The following MACROD2 variants were observed in gnomAD, a reference collection of about 807,000 sequenced individuals.
The protein encoded by MACROD2 is ADP-ribose glycohydrolase MACROD2.
A neutral mutation model predicts 70.4 loss-of-function variants in MACROD2; 36 were observed. The observed-to-expected ratio is 0.51, with a 90% CI of 0.39 to 0.68. The LOEUF is 0.68. Ranked by LOEUF, MACROD2 falls within the 30% of genes least tolerant of loss-of-function variation. The pLI, the probability that MACROD2 is intolerant of heterozygous loss-of-function variation, is 0.00. For missense variants in MACROD2, 496 were observed against 538.4 expected (o/e 0.92, Z 0.78); for synonymous variants, 172 against 178.8 (o/e 0.96, Z 0.30).
chr20:15,138,898 C>T (rs1315366755), intron 5 of MACROD2, among the ~76,000 whole-genome samples: 3 of 152,142 alleles, frequency 2.0e-5, no homozygotes, highest in Admixed American at 6.5e-5. Context: ...TTCGCATTTA[C>T]TTAAGTGTTA....
At chr20:15,524,128 C>G (rs1430498506) in intron 8 of MACROD2, among the ~76,000 whole-genome samples, 3 of 152,140 alleles carry the variant, frequency 2.0e-5, no homozygotes, top group Non-Finnish European at 2.9e-5. Context: ...CTACTTTGAA[C>G]AGAAAATATT....
At chr20:14,571,137 C>T (rs1383750086) in intron 4 of MACROD2, among the ~76,000 whole-genome samples, 1 of 152,032 alleles carries the variant, frequency 6.6e-6, no homozygotes, top group Non-Finnish European at 1.5e-5. Context: ...CAGTTGGTCT[C>T]AGATGTACAC....
At position 15,889,678 on chromosome 20, in the gene MACROD2, T is replaced by C. The variant is rs150030509; in HGVS notation, c.775+3867T>C. Among the ~76,000 whole-genome samples, 705 of 152,310 alleles carry C rather than the reference T, an allele frequency of 4.6e-3. 5 individuals are homozygous for C. The highest frequency in any genetic ancestry group is 7.9e-3 in the Non-Finnish European group (535 of 68,018). ...CCTTAATTCCTTAATGGCAAATGTT[T>C]TCCCATGTCCTTTCATTTCCATGAC... On this transcript the variant is annotated intron_variant, in intron 10 of 17. Coordinates refer to ENST00000684519, the MANE Select transcript of MACROD2 (RefSeq NM_001351661.2).
chr20:14,150,622 AT>A (rs2055006159), intron 3 of MACROD2, among the ~76,000 whole-genome samples: 2 of 152,124 alleles, frequency 1.3e-5, no homozygotes, highest in Admixed American at 1.3e-4. Context: ...ACAGAATTTT[AT>A]TTTTCTTTTT....
At chr20:16,001,766 C>G (rs984725276) in intron 15 of MACROD2, among the ~76,000 whole-genome samples, 1 of 152,028 alleles carries the variant, frequency 6.6e-6, no homozygotes, top group Non-Finnish European at 1.5e-5. Flanking sequence ...GTTTCATATA[C>G]TTACAAACAT....
chr20:14,459,591 C>A (rs2084344461), intron 3 of MACROD2, among the ~76,000 whole-genome samples: 1 of 151,882 alleles, frequency 6.6e-6, no homozygotes, highest in African/African-American at 2.4e-5. Flanking sequence ...TTAAAACTTT[C>A]TCCTTTAGGA....
chr20:15,412,711 C>A (rs1001173962), intron 6 of MACROD2, among the ~76,000 whole-genome samples: 3 of 152,172 alleles, frequency 2.0e-5, no homozygotes, highest in African/African-American at 7.2e-5. Flanking sequence ...CCAGTGAGCT[C>A]TCTCATGATC....
At chr20:14,283,552 G>T (rs2082322632) in intron 3 of MACROD2, among the ~76,000 whole-genome samples, 1 of 152,120 alleles carries the variant, frequency 6.6e-6, no homozygotes, top group African/African-American at 2.4e-5. Flanking sequence ...ATATGCTAGA[G>T]ATTAATTCAT....
At chr20:15,175,334 T>C (rs1045340904) in intron 5 of MACROD2, among the ~76,000 whole-genome samples, 2 of 150,298 alleles carry the variant, frequency 1.3e-5, no homozygotes, top group African/African-American at 2.4e-5. Flanking sequence ...TGCTAAATGA[T>C]GAGTTAATGG....
chr20:14,231,008 G>C (rs1455172204), intron 3 of MACROD2, among the ~76,000 whole-genome samples: 3 of 150,834 alleles, frequency 2.0e-5, no homozygotes, highest in Non-Finnish European at 4.4e-5. Flanking sequence ...TTTTTTCTGA[G>C]CAGTAAGTCT....
At chr20:14,036,691 C>T (rs1282246606) in intron 2 of MACROD2, among the ~76,000 whole-genome samples, 1 of 151,984 alleles carries the variant, frequency 6.6e-6, no homozygotes, top group Admixed American at 6.6e-5. Flanking sequence ...CCTTATTTTT[C>T]CCTGCTCTGT....
chr20:15,151,303 G>C (rs376333093), intron 5 of MACROD2, among the ~76,000 whole-genome samples: 2 of 152,090 alleles, frequency 1.3e-5, no homozygotes, highest in African/African-American at 2.4e-5. Context: ...GCAAGCTCCT[G>C]GGGGAGGAGG....
chr20:14,528,668 TG>T (rs1198800309), intron 4 of MACROD2, among the ~76,000 whole-genome samples: 7 of 151,864 alleles, frequency 4.6e-5, no homozygotes, highest in South Asian at 4.2e-4. Context: ...TTGCGGGGGT[TG>T]GGGGGGCCCA....
intron 3 of MACROD2, among the ~76,000 whole-genome samples, chr20:14,315,538 T>C (rs2082605447): frequency 6.6e-6 from 1 of 152,226 alleles, no homozygotes; most frequent in African/African-American, 2.4e-5. Context: ...GTTTGCATTT[T>C]AATGAGGCAT....
intron 15 of MACROD2, among the ~76,000 whole-genome samples, chr20:16,028,481 AGAGGCATATG>A (rs2067110409): frequency 6.6e-6 from 1 of 152,024 alleles, no homozygotes; most frequent in East Asian, 1.9e-4. Flanking sequence ...CCATTCTCAA[AGAGGCATATG>A]GAGGCATATT....
chr20:15,704,211 A>G (rs1167191492), intron 8 of MACROD2, among the ~76,000 whole-genome samples: 1 of 152,078 alleles, frequency 6.6e-6, no homozygotes, highest in Non-Finnish European at 1.5e-5. Context: ...TTTCTGTTCC[A>G]TCTTCCCCGT....
intron 8 of MACROD2, among the ~76,000 whole-genome samples, chr20:15,673,574 C>G (rs1007114271): frequency 1.3e-5 from 2 of 152,146 alleles, no homozygotes; most frequent in Admixed American, 6.5e-5. Flanking sequence ...TGCTTAGCAC[C>G]TGTTCATGGT....
At chr20:14,532,634 T>G (rs1312236773) in intron 4 of MACROD2, among the ~76,000 whole-genome samples, 1 of 152,166 alleles carries the variant, frequency 6.6e-6, no homozygotes, top group Non-Finnish European at 1.5e-5. Flanking sequence ...TTAGTTTTCA[T>G]TAGCAGTTTC....
At chr20:14,780,240 A>G (rs945446208) in intron 5 of MACROD2, among the ~76,000 whole-genome samples, 1 of 152,000 alleles carries the variant, frequency 6.6e-6, no homozygotes, top group African/African-American at 2.4e-5. Context: ...ATTTATAATC[A>G]GAACTATCTG....
Sources: gnomAD v4.1 joint callset for allele counts (sites outside exome capture counted in the v4.1 genomes callset) on GRCh38, gnomAD v4.1.1 for gene constraint, MANE v1.5 for transcripts, NCBI Gene and HGNC (gene_info 2026-07-23, HGNC 2026-07-21) for gene names.